TMEM260: variants seen among roughly 807,000 people sequenced by gnomAD.
The protein encoded by TMEM260 is transmembrane protein 260, also known as protein O-mannosyl-transferase TMEM260.
In TMEM260, 82 loss-of-function variants were observed where a neutral mutation model predicts 88.9. The ratio of observed to expected loss-of-function variants is 0.92; its 90% CI spans 0.77 to 1.11. TMEM260 has a LOEUF of 1.11. TMEM260 is among the 50% of genes least tolerant of loss of function. TMEM260 has a pLI of 0.00. For missense variants in TMEM260, 902 were observed against 853.4 expected (o/e 1.06, Z -0.71); for synonymous variants, 314 against 309.3 (o/e 1.02, Z -0.16).
intron 15 of TMEM260, among the ~76,000 whole-genome samples, chr14:56,641,012 C>G (rs1889551017): frequency 6.6e-6 from 1 of 152,014 alleles, no homozygotes; most frequent in Non-Finnish European, 1.5e-5. Flanking sequence ...AAATATGGGA[C>G]TATGAAAAGA....
chr14:56,604,842 G>A (rs934225790), intron 4 of TMEM260, among the ~76,000 whole-genome samples: 2 of 152,210 alleles, frequency 1.3e-5, no homozygotes, highest in African/African-American at 4.8e-5. Context: ...GTGGGAGTCA[G>A]TGTATGGAAA....
Position 56,645,675 on chromosome 14 carries a change from A to T in TMEM260, c.1870-1568A>T, listed in dbSNP as rs543943318. Among the ~76,000 whole-genome samples the T allele has an allele frequency of 9.8e-5, 15 of 152,288 alleles. 1 individual carries two copies. The highest frequency in any genetic ancestry group is 3.4e-4 in the African/African-American group (14 of 41,568). The stretch of plus-strand genomic sequence containing the variant: ...TTAAAAAATTATACTTAATTTAAAA[A>T]ATAAAATTGATATCTGTAAAACAAC... On this transcript the variant is annotated intron_variant, in intron 15 of 15. Coordinates refer to ENST00000261556, the MANE Select transcript of TMEM260 (RefSeq NM_017799.4).
intron 6 of TMEM260, among the ~76,000 whole-genome samples, chr14:56,611,084 A>G (rs553065683): frequency 5.9e-4 from 89 of 150,410 alleles, no homozygotes; most frequent in African/African-American, 2.0e-3. Flanking sequence ...CTCCTGCCTC[A>G]GCCTCCTGAG....
intron 3 of TMEM260, among the ~76,000 whole-genome samples, chr14:56,589,646 C>G (rs1885728712): frequency 6.6e-6 from 1 of 152,088 alleles, no homozygotes; most frequent in Non-Finnish European, 1.5e-5. Context: ...ACTTTGCTTA[C>G]TACAAAGAAC....
chr14:56,653,938 T>TACTCCAGTC (rs1890255781), downstream of TMEM260, among the ~76,000 whole-genome samples: 1 of 152,148 alleles, frequency 6.6e-6, no homozygotes, highest in East Asian at 1.9e-4. Flanking sequence ...ACAGTTTCCC[T>TACTCCAGTC]ACTCCAGTCC....
intron 3 of TMEM260, among the ~76,000 whole-genome samples, chr14:56,595,512 C>T (rs1886150601): frequency 2.0e-5 from 3 of 152,136 alleles, no homozygotes; most frequent in African/African-American, 7.2e-5. Context: ...AAGGATATCA[C>T]TCTGTCACCC....
At chr14:56,626,103 A>G (rs759063014) in intron 12 of TMEM260, among the ~76,000 whole-genome samples, 10 of 152,222 alleles carry the variant, frequency 6.6e-5, no homozygotes, top group Non-Finnish European at 1.3e-4. Context: ...TTCTTCTGCC[A>G]TGAAGTGCTT....
chr14:56,591,724 G>A (rs1885875895), intron 3 of TMEM260, among the ~76,000 whole-genome samples: 1 of 152,166 alleles, frequency 6.6e-6, no homozygotes, highest in African/African-American at 2.4e-5. Flanking sequence ...AAACCAGGCT[G>A]TACCATTGTG....
At chr14:56,640,729 GA>G (rs1254770677) in intron 15 of TMEM260, among the ~76,000 whole-genome samples, 1 of 152,124 alleles carries the variant, frequency 6.6e-6, no homozygotes, top group Admixed American at 6.6e-5. Flanking sequence ...CAATGGCAAA[GA>G]AGTTAAAAAC....
chr14:56,649,596 A>G (rs1462352556), downstream of TMEM260: 1 of 152,838 alleles, frequency 6.5e-6, no homozygotes, highest in African/African-American at 2.4e-5. Flanking sequence ...ATACACAGAT[A>G]TGTGAATATT....
In TMEM260 at chr14:56,618,704, G is replaced by C. The variant is rs1402617196; in HGVS notation, c.1167G>C (p.Gln389His). 6.2e-7 allele frequency: 1 copy of C among 1,614,220 alleles called. No individual in the cohort carries two copies. Among genetic ancestry groups the C allele is most frequent in the African/African-American group, 1.3e-5 (1 of 75,056 alleles). ...TNRVLNSNGL[Q>H]CLEWLSATLF... ...GAGTGCTGAATAGCAATGGGCTTCA[G>C]TGTCTGGAATGGCTTTCTGCAACTC... is the stretch of plus-strand genomic sequence containing the variant. Residue 389 changes from glutamine (Q) to histidine (H), a missense_variant, in exon 10 of 16, where the codon CAG becomes CAC. Coordinates refer to ENST00000261556, the MANE Select transcript of TMEM260 (RefSeq NM_017799.4).
chr14:56,626,207 T>A lies in TMEM260; in HGVS notation c.1547+677T>A, dbSNP rs562525293. On this transcript the variant is annotated intron_variant, in intron 12 of 15. Coordinates refer to ENST00000261556, the MANE Select transcript of TMEM260 (RefSeq NM_017799.4). ...AGAATGTCTTTGTAAATCCCAAAGT[T>A]AAATTATCCCTTGCTAAGAACATAA... is the stretch of plus-strand genomic sequence containing the variant. 1.2e-4 allele frequency among the ~76,000 whole-genome samples: 18 copies of A among 152,332 alleles called. No homozygotes were observed. In the East Asian group the frequency reaches 3.5e-3, roughly 29 times the overall value.
chr14:56,600,141 A>C (rs1380636131), intron 3 of TMEM260, among the ~76,000 whole-genome samples: 1 of 152,210 alleles, frequency 6.6e-6, no homozygotes, highest in Non-Finnish European at 1.5e-5. Flanking sequence ...AAAGAAATTC[A>C]TACAGGCTTA....
chr14:56,629,529 C>G (rs1279433946), intron 12 of TMEM260, among the ~76,000 whole-genome samples: 2 of 150,832 alleles, frequency 1.3e-5, no homozygotes, highest in African/African-American at 4.9e-5. Flanking sequence ...ATCTGTTGTT[C>G]TTTCTTCAAT....
In TMEM260 at chr14:56,644,776, T is replaced by A. The variant is rs535934461; in HGVS notation, c.1870-2467T>A. 4.6e-5 allele frequency among the ~76,000 whole-genome samples: 7 copies of A among 152,172 alleles called. No homozygotes were observed. The East Asian group carries it at 1.2e-3, about 25-fold the overall frequency. ...CGACAAAGGGCTAATATCCAGAATCTACAATGAACTCAAACAAATTTACAA... is the reference window on the plus strand; with the variant it reads ...CGACAAAGGGCTAATATCCAGAATCAACAATGAACTCAAACAAATTTACAA... On this transcript the variant is annotated intron_variant, in intron 15 of 15. Coordinates refer to ENST00000261556, the MANE Select transcript of TMEM260 (RefSeq NM_017799.4).
At chr14:56,616,283 C>G in intron 8 of TMEM260, 1 of 324,278 alleles carries the variant, frequency 3.1e-6, no homozygotes, top group South Asian at 8.9e-5. Context: ...GGTTTGATCC[C>G]TTAACTCTGC....
At chr14:56,657,071 A>G in the TMEM260 span, among the ~76,000 whole-genome samples, 3 of 152,016 alleles carry the variant, frequency 2.0e-5, no homozygotes, top group Non-Finnish European at 2.9e-5. Context: ...ATCTTAGTCT[A>G]TTGTCCCCTG....
At chr14:56,604,827 G>A (rs563300159) in intron 4 of TMEM260, among the ~76,000 whole-genome samples, 79 of 152,292 alleles carry the variant, frequency 5.2e-4, no homozygotes, top group African/African-American at 1.9e-3. Flanking sequence ...TAGCCAAGGA[G>A]CAGTGTGGGA....
At chr14:56,594,235 C>T (rs1886071335) in intron 3 of TMEM260, among the ~76,000 whole-genome samples, 1 of 151,376 alleles carries the variant, frequency 6.6e-6, no homozygotes. Context: ...ATAAAGTGTT[C>T]TCAAGTTAAA....
Sources: gnomAD v4.1 joint callset for allele counts (sites outside exome capture counted in the v4.1 genomes callset) on GRCh38, gnomAD v4.1.1 for gene constraint, MANE v1.5 for transcripts, NCBI Gene and HGNC (gene_info 2026-07-23, HGNC 2026-07-21) for gene names.